RANBP9: variants seen among roughly 807,000 people sequenced by gnomAD.
RANBP9 encodes ran-binding protein 9.
RANBP9 carries 15 observed loss-of-function variants against 84.3 expected under a neutral mutation model. The ratio of observed to expected loss-of-function variants is 0.18; its 90% CI spans 0.12 to 0.27. RANBP9 has a LOEUF of 0.27. Ranked by LOEUF, RANBP9 falls within the 10% of genes least tolerant of loss-of-function variation. The pLI, the probability that RANBP9 is intolerant of heterozygous loss-of-function variation, is 1.00. For synonymous variants in RANBP9, 392 were observed against 349.6 expected (o/e 1.12, Z -1.35); for missense variants, 809 against 912.8 (o/e 0.89, Z 1.46).
chr6:13,707,005 CAAAA>C (rs34108954), intron 1 of RANBP9, among the ~76,000 whole-genome samples: 5 of 122,288 alleles, frequency 4.1e-5, no homozygotes, highest in Non-Finnish European at 3.5e-5. Flanking sequence ...GACTCTGTCT[CAAAA>C]AAAAAAAAAA....
chr6:13,632,188 C>CCAGTAG (rs1191613348), intron 12 of RANBP9, among the ~76,000 whole-genome samples, 182 bp downstream of exon 12: 6 of 106,502 alleles, frequency 5.6e-5, no homozygotes, highest in African/African-American at 1.8e-4. Flanking sequence ...AATGCTCTTT[C>CCAGTAG]CAGTAGATCA....
intron 11 of RANBP9, among the ~76,000 whole-genome samples, chr6:13,634,012 C>G (rs1486071955): frequency 1.3e-5 from 2 of 151,286 alleles, no homozygotes; most frequent in African/African-American, 2.4e-5. Context: ...TAGTACTATG[C>G]AAAGTCACAC....
chr6:13,659,170 G>C (rs1765479378), intron 2 of RANBP9, among the ~76,000 whole-genome samples: 1 of 151,648 alleles, frequency 6.6e-6, no homozygotes, highest in Admixed American at 6.6e-5. Context: ...AAAGCACAGA[G>C]GGATTGCAGA....
chr6:13,704,970 C>T (rs1385296403), intron 1 of RANBP9, among the ~76,000 whole-genome samples: 1 of 152,182 alleles, frequency 6.6e-6, no homozygotes, highest in Non-Finnish European at 1.5e-5. Flanking sequence ...GTCCTCTGAG[C>T]TCTCTGAATT....
In RANBP9 at chr6:13,638,559, G is replaced by A. The variant is rs553719693; in HGVS notation, c.1526-604C>T. Among the ~76,000 whole-genome samples the A allele has an allele frequency of 5.3e-5, 8 of 152,108 alleles. No homozygotes were observed. In the East Asian group the frequency reaches 1.2e-3, roughly 22 times the overall value. ...CAGAAATAAATCTGTGGCTGGGCAC[G>A]GTAGCTCACACCTGTAAGCCCAGCA... On this transcript the variant is annotated intron_variant, in intron 9 of 13. Coordinates refer to ENST00000011619, the MANE Select transcript of RANBP9 (RefSeq NM_005493.3).
At chr6:13,660,691 T>TCAA (rs1301552209) in intron 2 of RANBP9, among the ~76,000 whole-genome samples, 1 of 152,088 alleles carries the variant, frequency 6.6e-6, no homozygotes, top group Non-Finnish European at 1.5e-5. Context: ...AAAAGAAAAC[T>TCAA]CAGAGTTTTC....
At position 13,639,547 on chromosome 6, in the gene RANBP9, A is replaced by G. The variant is rs538082284; in HGVS notation, c.1525+16T>C. 2.4e-5 allele frequency: 37 copies of G among 1,574,002 alleles called. No homozygotes were observed. Among genetic ancestry groups the G allele is most frequent in the Admixed American group, 1.2e-4 (7 of 59,094 alleles). On this transcript the variant is annotated intron_variant, in intron 9 of 13. Coordinates refer to ENST00000011619, the MANE Select transcript of RANBP9 (RefSeq NM_005493.3). ...AGAGGAAAAATCTAAAAATAATGTC[A>G]TAAGTTAAATCTCACCTGAAAAATG...
chr6:13,628,080 G>A (rs1764671890), intron 12 of RANBP9, among the ~76,000 whole-genome samples: 1 of 152,162 alleles, frequency 6.6e-6, no homozygotes, highest in African/African-American at 2.4e-5. Flanking sequence ...AGTGTTTTAG[G>A]CACTAATATG....
rs1189435494 is a variant in RANBP9 at position 13,641,287 on chromosome 6, C to A, written c.1246G>T (p.Ala416Ser). The A allele has an allele frequency of 5.6e-6, 9 of 1,599,014 alleles. No individual in the cohort carries two copies. In the African/African-American group the frequency reaches 1.1e-4, roughly 19 times the overall value. Residue 416 changes from alanine to serine, a missense_variant, in exon 8 of 14, where the codon GCA becomes TCA. Ala to Ser is a moderately conservative substitution (Grantham distance 99). Transcript: ENST00000011619. ...TCAATGGCTTCTCCCATTCTTCCTGCTAATACCAATTTCTGAATTCCTATT... is the reference window on the plus strand; with the variant it reads ...TCAATGGCTTCTCCCATTCTTCCTGATAATACCAATTTCTGAATTCCTATT... ...NRQRIQKLVL[A>S]GRMGEAIETT...
chr6:13,622,285 T>G lies in RANBP9; in HGVS notation c.*77A>C. 7.4e-7 allele frequency: 1 copy of G among 1,342,744 alleles called. No homozygotes were observed. The highest frequency in any genetic ancestry group is 9.7e-7 in the Non-Finnish European group (1 of 1,031,974). 83.2% of individuals were successfully genotyped at this position (1,342,744 alleles called of 1,614,324 possible). A position where few individuals can be genotyped will look rare whatever the true frequency, so the allele number is the denominator to read the frequency against. ...CAGTACATAATTTAAAAAATCTAAA[T>G]TTCAAATCAGCAGAGCTGGTCTACT... On this transcript the variant is annotated 3_prime_UTR_variant, in exon 14 of 14. Transcript: ENST00000011619.
chr6:13,692,040 C>T (rs1184218234), intron 2 of RANBP9, among the ~76,000 whole-genome samples: 1 of 152,170 alleles, frequency 6.6e-6, no homozygotes, highest in African/African-American at 2.4e-5. Context: ...AACAGCTACT[C>T]TTTCTGGTCC....
chr6:13,705,875 A>AAAAAAAAAAAAAAAAG (rs1554107633), intron 1 of RANBP9, among the ~76,000 whole-genome samples: 7 of 150,136 alleles, frequency 4.7e-5, no homozygotes, highest in African/African-American at 1.7e-4. Flanking sequence ...TCTCAAAAAA[A>AAAAAAAAAAAAAAAAG]AAAAAAAAAA....
chr6:13,670,520 G>C (rs1451534169), intron 2 of RANBP9, among the ~76,000 whole-genome samples: 1 of 152,154 alleles, frequency 6.6e-6, no homozygotes, highest in East Asian at 1.9e-4. Context: ...AACTAGGCCA[G>C]GTGTGGTGGC....
chr6:13,644,407 G>A (rs923653197), intron 6 of RANBP9, 138 bp downstream of exon 6: 1 of 796,306 alleles, frequency 1.3e-6, no homozygotes, highest in South Asian at 2.4e-5. Flanking sequence ...TTTTCGTTGA[G>A]AGATTAAAAT....
chr6:13,679,802 T>C (rs1416911428), intron 2 of RANBP9, among the ~76,000 whole-genome samples: 2 of 152,184 alleles, frequency 1.3e-5, no homozygotes, highest in Non-Finnish European at 2.9e-5. Flanking sequence ...CTATGGAGAC[T>C]GAGATGCGTT....
At chr6:13,657,985 G>A (rs531132762) in intron 3 of RANBP9, among the ~76,000 whole-genome samples, 62 of 152,110 alleles carry the variant, frequency 4.1e-4, no homozygotes, top group African/African-American at 1.3e-3. Context: ...AAAAAGTCTC[G>A]CCAAAATTAA....
Position 13,690,681 on chromosome 6 carries a change from T to C in RANBP9, c.683+6104A>G, listed in dbSNP as rs369230789. On this transcript the variant is annotated intron_variant, in intron 2 of 13. Transcript: ENST00000011619. ...TCTAAAAACTTTCAAATAAAAATTT[T>C]GTTCTCTCTCACATTTAGAATTAAC... 3.3e-5 allele frequency among the ~76,000 whole-genome samples: 5 copies of C among 152,336 alleles called. No individual in the cohort carries two copies. In the South Asian group the frequency reaches 8.3e-4, roughly 25 times the overall value.
intron 2 of RANBP9, among the ~76,000 whole-genome samples, chr6:13,693,061 G>T (rs1020213697): frequency 6.6e-6 from 1 of 152,126 alleles, no homozygotes; most frequent in Non-Finnish European, 1.5e-5. Context: ...CATAATTACA[G>T]TCTGGCCAAA....
chr6:13,667,403 A>C (rs924484251), intron 2 of RANBP9, among the ~76,000 whole-genome samples: 1 of 152,056 alleles, frequency 6.6e-6, no homozygotes, highest in African/African-American at 2.4e-5. Flanking sequence ...TGCATCTTTG[A>C]TCTATTACAT....
Sources: gnomAD v4.1 joint callset for allele counts (sites outside exome capture counted in the v4.1 genomes callset) on GRCh38, gnomAD v4.1.1 for gene constraint, MANE v1.5 for transcripts, NCBI Gene and HGNC (gene_info 2026-07-23, HGNC 2026-07-21) for gene names.